ARL10: variants seen among roughly 807,000 people sequenced by gnomAD.
The protein encoded by ARL10 is ADP-ribosylation factor-like protein 10.
In ARL10, 23 loss-of-function variants were observed where a neutral mutation model predicts 26.1. The observed-to-expected ratio is 0.88, with a 90% CI of 0.63 to 1.25. The LOEUF is 1.25. ARL10 is among the 50% of genes most tolerant of loss of function. ARL10 has a pLI of 0.00. For missense variants in ARL10, 300 were observed against 323.6 expected, an observed-to-expected ratio of 0.93 and a Z score of 0.56; for synonymous variants, 138 against 149.1, an observed-to-expected ratio of 0.93 and a Z score of 0.54.
the ARL10 span, among the ~76,000 whole-genome samples, chr5:176,408,098 T>C: frequency 4.7e-4 from 71 of 152,210 alleles, no homozygotes; most frequent in Non-Finnish European, 6.5e-4. Flanking sequence ...GTGAGGACTA[T>C]TGCATGCCTC....
downstream of ARL10, chr5:176,392,939 G>C (rs543389086): frequency 6.2e-7 from 1 of 1,614,094 alleles, no homozygotes; most frequent in Non-Finnish European, 8.5e-7. The surrounding 1 kb of genome is among the most constrained non-coding windows in gnomAD (Gnocchi z 5.2). Flanking sequence ...AAGCCTCCTC[G>C]GATGCCCTGC....
the ARL10 span, among the ~76,000 whole-genome samples, chr5:176,406,899 G>A: frequency 3.9e-5 from 6 of 152,190 alleles, no homozygotes; most frequent in South Asian, 2.1e-4. Context: ...CAACAGAGTC[G>A]TAATGCAAAG....
At chr5:176,402,710 G>A (rs746541673), downstream of ARL10, among the ~76,000 whole-genome samples, 1 of 152,182 alleles carries the variant, frequency 6.6e-6, no homozygotes, top group African/African-American at 2.4e-5. Flanking sequence ...GGACAGGGAC[G>A]AGCAAGACAC....
At position 176,371,808 on chromosome 5, in the gene ARL10, G is replaced by C; in HGVS notation, c.648G>C (p.Leu216Phe). 2 of 1,614,166 alleles carry C rather than the reference G, an allele frequency of 1.2e-6. No individual in the cohort carries two copies. Among genetic ancestry groups the C allele is most frequent in the Non-Finnish European group, 1.7e-6 (2 of 1,180,024 alleles). The change falls in exon 4 of 4, where the codon TTG becomes TTC. Residue 216 changes from leucine to phenylalanine, a missense_variant. Coordinates refer to ENST00000310389, the MANE Select transcript of ARL10 (RefSeq NM_173664.6). Reference sequence around the variant, plus strand: ...ATAACCAGCGGGAGGTTTTCCTCTTGGCAGCCAGCATTGCCCCTGCAGGAC... The same window carrying C: ...ATAACCAGCGGGAGGTTTTCCTCTTCGCAGCCAGCATTGCCCCTGCAGGAC... ...AIDNQREVFLLAASIAPAGPT... is the reference protein window; with the variant it reads ...AIDNQREVFLFAASIAPAGPT...
chr5:176,412,384 C>T, the ARL10 span, among the ~76,000 whole-genome samples: 6 of 152,110 alleles, frequency 3.9e-5, no homozygotes, highest in Non-Finnish European at 8.8e-5. Flanking sequence ...TCCGTGTGTA[C>T]CCCCTTACCA....
chr5:176,384,823 C>A, downstream of ARL10: 1 of 417,764 alleles, frequency 2.4e-6, no homozygotes. Flanking sequence ...GGAGCTGGGG[C>A]CAGCTGAGGA....
rs981119145 is a variant in ARL10, at chr5:176,381,490, C to G, written c.*9595C>G. 1.3e-5 allele frequency: 2 copies of G among 152,210 alleles called. No homozygotes were observed. Among genetic ancestry groups the G allele is most frequent in the African/African-American group, 4.8e-5 (2 of 41,452 alleles). The allele number at this position is 152,210 out of a possible 1,614,324, so 9.4% of individuals were successfully genotyped here. A position where few individuals can be genotyped will look rare whatever the true frequency, so the allele number is the denominator to read the frequency against. On this transcript the variant is annotated 3_prime_UTR_variant, in exon 4 of 4. Transcript: ENST00000310389. ...AAGGGTTCATGAACCAGGTAGTGCT[C>G]AGGACCAAAAGCGATGGTTCAGAAT...
At chr5:176,370,314 C>T (rs1048019595) in intron 3 of ARL10, among the ~76,000 whole-genome samples, 1 of 152,178 alleles carries the variant, frequency 6.6e-6, no homozygotes. Flanking sequence ...TCTTGGGTGC[C>T]AGAGAGTCGC....
At chr5:176,389,339 G>C, downstream of ARL10, 3 of 1,613,118 alleles carry the variant, frequency 1.9e-6, no homozygotes, top group Non-Finnish European at 2.5e-6. Context: ...AGGTTGCCTG[G>C]CCACGGCGGC....
At chr5:176,413,615 C>A in the ARL10 span, among the ~76,000 whole-genome samples, 2 of 152,354 alleles carry the variant, frequency 1.3e-5, no homozygotes, top group South Asian at 2.1e-4. Context: ...CTCAGAGGTA[C>A]TGACTGGCGG....
downstream of ARL10, among the ~76,000 whole-genome samples, chr5:176,390,124 G>C (rs1756202883): frequency 6.8e-6 from 1 of 147,026 alleles, no homozygotes; most frequent in African/African-American, 2.5e-5. Context: ...GGAGGTTGTG[G>C]TGAGCTGAGA....
At chr5:176,399,982 A>C (rs1393203114) in intron 1 of ARL10, among the ~76,000 whole-genome samples, 1 of 152,140 alleles carries the variant, frequency 6.6e-6, no homozygotes, top group Non-Finnish European at 1.5e-5. Context: ...ACATGAGGTC[A>C]GGAGTTCGAG....
chr5:176,386,615 C>A, downstream of ARL10: 1 of 637,704 alleles, frequency 1.6e-6, no homozygotes, highest in South Asian at 1.6e-5. Context: ...TACATCCTCC[C>A]TAAACATCTC....
At chr5:176,384,523 A>G, downstream of ARL10, 2 of 746,092 alleles carry the variant, frequency 2.7e-6, no homozygotes, top group Non-Finnish European at 4.3e-6. Flanking sequence ...ACAGTGGCTC[A>G]TGCCTGTAAT....
chr5:176,371,035 G>A (rs1364676731), intron 3 of ARL10, among the ~76,000 whole-genome samples: 1 of 152,170 alleles, frequency 6.6e-6, no homozygotes, highest in African/African-American at 2.4e-5. Context: ...CATTAAATAA[G>A]CTGAAGTATA....
At chr5:176,395,369 G>A (rs761602643) in intron 1 of ARL10, among the ~76,000 whole-genome samples, 3 of 152,216 alleles carry the variant, frequency 2.0e-5, no homozygotes, top group Non-Finnish European at 4.4e-5. Flanking sequence ...TGAGCACGGT[G>A]AGGGGGGCGG....
At chr5:176,400,967 G>A (rs1485638527) in intron 1 of ARL10, among the ~76,000 whole-genome samples, 3 of 152,124 alleles carry the variant, frequency 2.0e-5, no homozygotes, top group Non-Finnish European at 2.9e-5. Context: ...GTGAGGGAAG[G>A]GCAGGCCAGG....
In ARL10 at chr5:176,377,058, C is replaced by T. The variant is rs777053551; in HGVS notation, c.*5163C>T. The T allele has an allele frequency of 1.3e-5, 2 of 152,150 alleles. No homozygotes were observed. The highest frequency in any genetic ancestry group is 2.1e-4 in the South Asian group (1 of 4,834). The allele number at this position is 152,150 out of a possible 1,614,324, so 9.4% of individuals were successfully genotyped here. A position where few individuals can be genotyped will look rare whatever the true frequency, so the allele number is the denominator to read the frequency against. On this transcript the variant is annotated 3_prime_UTR_variant, in exon 4 of 4. Transcript: ENST00000310389. This position sits in a 1 kb window ranked among gnomAD's most constrained non-coding sequence, Gnocchi z 4.5. Reference sequence around the variant, plus strand: ...TCAGCATTTAGGAGAGTAGGAACTACGTGAAGTTCTGTTAGGAGCACAGGC... The same window carrying T: ...TCAGCATTTAGGAGAGTAGGAACTATGTGAAGTTCTGTTAGGAGCACAGGC...
chr5:176,411,952 A>G, the ARL10 span, among the ~76,000 whole-genome samples: 60 of 152,072 alleles, frequency 3.9e-4, 1 homozygote, highest in East Asian at 1.4e-3. Context: ...TGAGGTGGGC[A>G]GATCACGAAG....
Sources: allele counts gnomAD v4.1 joint callset (sites outside exome capture counted in the v4.1 genomes callset), GRCh38; gene constraint gnomAD v4.1.1; non-coding constraint Gnocchi (gnomAD v3.1); transcripts MANE v1.5; gene names NCBI Gene and HGNC (gene_info 2026-07-23, HGNC 2026-07-21).